ADGRL3: variants seen among roughly 807,000 people sequenced by gnomAD.
The protein encoded by ADGRL3 is calcium-independent alpha-latrotoxin receptor 3.
A neutral mutation model predicts 153.5 loss-of-function variants in ADGRL3; 62 were observed. The ratio of observed to expected loss-of-function variants is 0.40; its 90% CI spans 0.33 to 0.50. The LOEUF (loss-of-function observed/expected upper bound fraction) is 0.50. Among genes scored for constraint, ADGRL3 ranks in the 20% least tolerant of loss-of-function variants. ADGRL3 has a pLI of 0.47. For missense variants in ADGRL3, 1,641 were observed against 1,859.4 expected (o/e 0.88, Z 2.16); for synonymous variants, 710 against 672.5 (o/e 1.06, Z -0.86).
intron 2 of ADGRL3, among the ~76,000 whole-genome samples, chr4:61,442,577 A>T (rs1244139742): frequency 6.6e-6 from 1 of 152,132 alleles, no homozygotes; most frequent in Non-Finnish European, 1.5e-5. Context: ...AATAAGAGGA[A>T]GAAGGCAGTT....
At chr4:62,016,561 C>A (rs2099212754) in intron 21 of ADGRL3, among the ~76,000 whole-genome samples, 3 of 152,082 alleles carry the variant, frequency 2.0e-5, no homozygotes, top group Admixed American at 2.0e-4. Context: ...CATGGGCATA[C>A]TTTATGTTTT....
At chr4:62,047,137 G>A (rs1434310624) in intron 25 of ADGRL3, among the ~76,000 whole-genome samples, 1 of 151,396 alleles carries the variant, frequency 6.6e-6, no homozygotes, top group Non-Finnish European at 1.5e-5. Flanking sequence ...AATTCATTTA[G>A]TTTTTTATAG....
At chr4:61,898,572 G>A (rs1286099594) in intron 11 of ADGRL3, among the ~76,000 whole-genome samples, 2 of 151,686 alleles carry the variant, frequency 1.3e-5, no homozygotes, top group Non-Finnish European at 2.9e-5. Context: ...CAGGTGTGAT[G>A]TTTACACAGC....
At position 61,947,090 on chromosome 4, in the gene ADGRL3, G is replaced by C; in HGVS notation, c.2596G>C (p.Asp866His). The change falls in exon 16 of 27, where the codon GAT becomes CAT. Residue 866 changes from aspartate (D) to histidine (H), a missense_variant. Physicochemically the swap from Asp to His is moderately conservative, Grantham distance 81. Coordinates refer to ENST00000683033, the MANE Select transcript of ADGRL3 (RefSeq NM_001387552.1). The part of the protein sequence containing the change: ...KEFSNKVYLA[D>H]PVVFTVKHIK... Reference sequence around the variant, plus strand: ...GTTCAGTAACAAGGTTTATTTGGCTGATCCTGTGGTATTTACTGTTAAACA... The same window carrying C: ...GTTCAGTAACAAGGTTTATTTGGCTCATCCTGTGGTATTTACTGTTAAACA... 4 of 1,613,782 alleles carry C rather than the reference G, an allele frequency of 2.5e-6. No individual in the cohort carries two copies. The highest frequency in any genetic ancestry group is 3.4e-6 in the Non-Finnish European group (4 of 1,179,764).
chr4:61,401,730 A>G (rs1344167532), intron 2 of ADGRL3, among the ~76,000 whole-genome samples: 1 of 152,040 alleles, frequency 6.6e-6, no homozygotes, highest in Non-Finnish European at 1.5e-5. Flanking sequence ...TAGTAAGACT[A>G]ATACTTCTCC....
chr4:61,441,483 A>G (rs943593146), intron 2 of ADGRL3, among the ~76,000 whole-genome samples: 1 of 149,796 alleles, frequency 6.7e-6, no homozygotes, highest in African/African-American at 2.4e-5. Context: ...TCCTTGTTGT[A>G]GCTCTCTTTT....
intron 9 of ADGRL3, among the ~76,000 whole-genome samples, chr4:61,825,979 G>T (rs1211422703): frequency 6.6e-6 from 1 of 152,106 alleles, no homozygotes; most frequent in Non-Finnish European, 1.5e-5. Context: ...ATGGCAAATA[G>T]AATCTTTTCT....
intron 2 of ADGRL3, among the ~76,000 whole-genome samples, chr4:61,430,266 G>A (rs2097339608): frequency 1.3e-5 from 2 of 152,230 alleles, no homozygotes; most frequent in Admixed American, 6.5e-5. Context: ...AAATTTATGA[G>A]CATGAGTGCA....
chr4:61,245,978 C>G (rs1756904870), intron 1 of ADGRL3, among the ~76,000 whole-genome samples: 1 of 152,054 alleles, frequency 6.6e-6, no homozygotes, highest in African/African-American at 2.4e-5. Context: ...GTCCCCCCTG[C>G]CACAGTTTGT....
At chr4:61,321,030 T>C (rs1004548174) in intron 1 of ADGRL3, among the ~76,000 whole-genome samples, 18 of 152,232 alleles carry the variant, frequency 1.2e-4, no homozygotes, top group Non-Finnish European at 2.5e-4. Flanking sequence ...TCGAGCTCTC[T>C]GTTCTATCAC....
At chr4:61,388,224 C>T (rs945239542) in intron 2 of ADGRL3, among the ~76,000 whole-genome samples, 4 of 152,140 alleles carry the variant, frequency 2.6e-5, no homozygotes, top group Admixed American at 6.6e-5. Flanking sequence ...CTTTGCTTCA[C>T]TTTCCTCACC....
intron 6 of ADGRL3, among the ~76,000 whole-genome samples, chr4:61,706,009 A>G (rs1162140258): frequency 6.6e-6 from 1 of 152,174 alleles, no homozygotes; most frequent in Admixed American, 6.5e-5. Context: ...CATTGGCTTC[A>G]ACTTAAATTC....
At chr4:61,536,012 T>C (rs1264976327) in intron 4 of ADGRL3, among the ~76,000 whole-genome samples, 1 of 152,050 alleles carries the variant, frequency 6.6e-6, no homozygotes, top group Non-Finnish European at 1.5e-5. Context: ...AAATCTTTCT[T>C]TTTGATGTAG....
At chr4:61,646,248 G>T (rs1031703389) in intron 5 of ADGRL3, among the ~76,000 whole-genome samples, 1 of 152,096 alleles carries the variant, frequency 6.6e-6, no homozygotes, top group Non-Finnish European at 1.5e-5. Flanking sequence ...CCCTAGCTCG[G>T]AGTAATTTGA....
intron 25 of ADGRL3, among the ~76,000 whole-genome samples, chr4:62,052,181 C>G (rs891566287): frequency 6.6e-6 from 1 of 151,582 alleles, no homozygotes; most frequent in Non-Finnish European, 1.5e-5. Context: ...CAAGGTCTTT[C>G]AGACCACAAA....
intron 5 of ADGRL3, among the ~76,000 whole-genome samples, chr4:61,609,867 T>C (rs2099046345): frequency 6.6e-6 from 1 of 152,068 alleles, no homozygotes. Context: ...TTATGGATGA[T>C]TATTTTAGCT....
intron 1 of ADGRL3, among the ~76,000 whole-genome samples, chr4:61,247,274 G>C (rs911384582): frequency 1.3e-5 from 2 of 151,994 alleles, no homozygotes; most frequent in Non-Finnish European, 2.9e-5. Context: ...AGCCTTCATT[G>C]CATTCTGTTG....
chr4:61,350,435 G>T (rs1487131754), intron 1 of ADGRL3, among the ~76,000 whole-genome samples: 1 of 146,436 alleles, frequency 6.8e-6, no homozygotes, highest in Non-Finnish European at 1.5e-5. Flanking sequence ...GTGATATGGT[G>T]CTCTTTACGT....
chr4:62,013,360 T>C (rs2099195560), intron 21 of ADGRL3, among the ~76,000 whole-genome samples: 1 of 151,804 alleles, frequency 6.6e-6, no homozygotes, highest in Non-Finnish European at 1.5e-5. Flanking sequence ...ACCAACATGG[T>C]GGAACCCCAT....
Sources: gnomAD v4.1 joint callset for allele counts (sites outside exome capture counted in the v4.1 genomes callset) on GRCh38, gnomAD v4.1.1 for gene constraint, MANE v1.5 for transcripts, NCBI Gene and HGNC (gene_info 2026-07-23, HGNC 2026-07-21) for gene names.